CDC42EP1: variants seen among roughly 807,000 people sequenced by gnomAD.
CDC42EP1 encodes the protein CDC42 effector protein 1.
CDC42EP1 carries 6 observed loss-of-function variants against 7.4 expected under a neutral mutation model. The ratio of observed to expected loss-of-function variants is 0.81; its 90% CI spans 0.44 to 1.60. The LOEUF (loss-of-function observed/expected upper bound fraction) is 1.60, where lower values mean the gene tolerates loss of function less well. Ranked by LOEUF, CDC42EP1 falls within the 40% of genes most tolerant of loss-of-function variation. The pLI is 0.01. For missense variants in CDC42EP1, 567 were observed against 539.0 expected, an observed-to-expected ratio of 1.05 and a Z score of -0.51; for synonymous variants, 238 against 227.1, an observed-to-expected ratio of 1.05 and a Z score of -0.43.
intron 1 of CDC42EP1, among the ~76,000 whole-genome samples, chr22:37,564,870 C>T (rs1355018932): frequency 6.6e-6 from 1 of 152,180 alleles, no homozygotes. Flanking sequence ...CCTCTGCCTC[C>T]CGGGTTCAAG....
At chr22:37,565,058 G>A (rs1356497763) in intron 1 of CDC42EP1, among the ~76,000 whole-genome samples, 2 of 152,136 alleles carry the variant, frequency 1.3e-5, no homozygotes, top group African/African-American at 2.4e-5. Flanking sequence ...GAATACAGGC[G>A]TGAGCCACCG....
intron 2 of CDC42EP1, among the ~76,000 whole-genome samples, chr22:37,567,738 C>CA (rs1384836268): frequency 6.6e-6 from 1 of 152,202 alleles, no homozygotes; most frequent in Non-Finnish European, 1.5e-5. Flanking sequence ...AGCGTCATGG[C>CA]AGGGAGCCGG....
Position 37,566,738 on chromosome 22 carries a change from A to G in CDC42EP1, c.389A>G (p.Tyr130Cys), listed in dbSNP as rs1161716403. Residue 130 changes from tyrosine (Y) to cysteine (C), a missense_variant, in exon 2 of 3, where the codon TAC becomes TGC. Coordinates refer to ENST00000249014, the MANE Select transcript of CDC42EP1 (RefSeq NM_152243.3). The surrounding 1 kb of genome is among the most constrained non-coding windows in gnomAD (Gnocchi z 6.4). ...CTGCCCCAGCTCAACCAGGCCGCCT[A>G]CGACAGCCTCGTGGTTGGCAAGCTC... is the stretch of plus-strand genomic sequence containing the variant. ...ISLPQLNQAA[Y>C]DSLVVGKLSF... 6.2e-7 allele frequency: 1 copy of G among 1,609,920 alleles called. No individual in the cohort carries two copies. Among genetic ancestry groups the G allele is most frequent in the Non-Finnish European group, 8.5e-7 (1 of 1,178,056 alleles).
At position 37,566,433 on chromosome 22, in the gene CDC42EP1, G is replaced by T. The variant is rs754729269; in HGVS notation, c.84G>T (p.Gln28His). The T allele has an allele frequency of 1.2e-6, 2 of 1,610,470 alleles. No homozygotes were observed. The highest frequency in any genetic ancestry group is 2.7e-5 in the African/African-American group (2 of 75,022). Reference protein sequence around the residue: ...LSPVGWVSSSQGKRRLTADMI... With the variant: ...LSPVGWVSSSHGKRRLTADMI... ...CTGTGGGCTGGGTGTCCAGTTCACA[G>T]GGAAAGAGGCGGCTGACTGCAGACA... Residue 28 changes from glutamine to histidine, a missense_variant, in exon 2 of 3, where the codon CAG becomes CAT. Coordinates refer to ENST00000249014, the MANE Select transcript of CDC42EP1 (RefSeq NM_152243.3). The surrounding 1 kb of genome is among the most constrained non-coding windows in gnomAD (Gnocchi z 6.4).
At chr22:37,563,985 C>T (rs1925136316) in intron 1 of CDC42EP1, among the ~76,000 whole-genome samples, 1 of 152,210 alleles carries the variant, frequency 6.6e-6, no homozygotes, top group South Asian at 2.1e-4. Context: ...GGCGGCCTCC[C>T]CACCCTCCAA....
At chr22:37,562,452 T>A (rs766936824) in intron 1 of CDC42EP1, among the ~76,000 whole-genome samples, 1 of 152,090 alleles carries the variant, frequency 6.6e-6, no homozygotes, top group Non-Finnish European at 1.5e-5. Context: ...GAATGAGAGA[T>A]GTTAGTGTAA....
chr22:37,563,197 G>T (rs1925109325), intron 1 of CDC42EP1, among the ~76,000 whole-genome samples: 1 of 152,108 alleles, frequency 6.6e-6, no homozygotes, highest in African/African-American at 2.4e-5. Flanking sequence ...ATTGTACAGA[G>T]GAACACCCTT....
intron 1 of CDC42EP1, among the ~76,000 whole-genome samples, chr22:37,563,203 C>T (rs780821581): frequency 6.6e-6 from 1 of 152,148 alleles, no homozygotes; most frequent in African/African-American, 2.4e-5. Context: ...CAGAGGAACA[C>T]CCTTCCCGCT....
chr22:37,561,179 G>A (rs1426617445), intron 1 of CDC42EP1, among the ~76,000 whole-genome samples: 1 of 152,224 alleles, frequency 6.6e-6, no homozygotes, highest in Admixed American at 6.5e-5. Flanking sequence ...GGGAATGTTG[G>A]ATGGCCGAAG....
chr22:37,568,303 C>G lies in CDC42EP1; in HGVS notation c.659C>G (p.Pro220Arg). 6.2e-7 allele frequency: 1 copy of G among 1,613,058 alleles called. No individual in the cohort carries two copies. Among genetic ancestry groups the G allele is most frequent in the Non-Finnish European group, 8.5e-7 (1 of 1,179,874 alleles). Residue 220 changes from proline to arginine, a missense_variant, in exon 3 of 3, where the codon CCT (proline) becomes CGT (arginine). Transcript: ENST00000249014. ...GGGGTCATGAGCCTCCCAGAAGCCC[C>G]TGCAGCTGAGACTCCAGCCCCCGCT... is the stretch of plus-strand genomic sequence containing the variant. ...LLGVMSLPEA[P>R]AAETPAPAAN...
At position 37,566,642 on chromosome 22, in the gene CDC42EP1, G is replaced by A. The variant is rs1471587186; in HGVS notation, c.293G>A (p.Arg98Lys). ...CGGAGGGTGGGGGCGCCCCCCCGGA[G>A]GATGGCATCTCCCCCTGCACCCTCC... is the stretch of plus-strand genomic sequence containing the variant. ...LVRRVGAPPRRMASPPAPSPA... is the reference protein window; with the variant it reads ...LVRRVGAPPRKMASPPAPSPA... The change falls in exon 2 of 3, where the codon AGG (arginine) becomes AAG (lysine). Residue 98 changes from arginine (R) to lysine (K), a missense_variant. Arg to Lys is a conservative substitution (Grantham distance 26). Transcript: ENST00000249014. The surrounding 1 kb of genome is among the most constrained non-coding windows in gnomAD (Gnocchi z 6.4). 1.2e-5 allele frequency: 19 copies of A among 1,597,360 alleles called. 1 individual carries two copies. The Admixed American group carries it at 3.2e-4, about 27-fold the overall frequency.
chr22:37,568,159 C>T lies in CDC42EP1; in HGVS notation c.515C>T (p.Pro172Leu), dbSNP rs772587344. ...TCCCGCCTGCCCCGCTCGGAAAAGC[C>T]GCATGACCGAGACCGGGATGGTTCC... The part of the protein sequence containing the change: ...TISRLPRSEK[P>L]HDRDRDGSFP... Residue 172 changes from proline to leucine, a missense_variant, in exon 3 of 3, where the codon CCG (proline) becomes CTG (leucine). By Grantham distance (98) the Pro-to-Leu change is moderately conservative. Transcript: ENST00000249014. 51 of 1,613,870 alleles carry T rather than the reference C, an allele frequency of 3.2e-5. No individual in the cohort carries two copies. In the Admixed American group the frequency reaches 4.3e-4, roughly 14 times the overall value.
At position 37,568,167 on chromosome 22, in the gene CDC42EP1, C is replaced by G. The variant is rs141161720; in HGVS notation, c.523C>G (p.Arg175Gly). 6 of 1,614,028 alleles carry G rather than the reference C, an allele frequency of 3.7e-6. No individual in the cohort carries two copies. The South Asian group carries it at 5.5e-5, about 15-fold the overall frequency. The change falls in exon 3 of 3, where the codon CGA (arginine) becomes GGA (glycine). Residue 175 changes from arginine to glycine, a missense_variant. By Grantham distance (125) the Arg-to-Gly change is moderately radical. Coordinates refer to ENST00000249014, the MANE Select transcript of CDC42EP1 (RefSeq NM_152243.3). ...GCCCCGCTCGGAAAAGCCGCATGAC[C>G]GAGACCGGGATGGTTCCTTCCCCTC... The part of the protein sequence containing the change: ...RLPRSEKPHD[R>G]DRDGSFPSEP...
chr22:37,565,918 C>A (rs1925217334), intron 1 of CDC42EP1, among the ~76,000 whole-genome samples, 154 bp from the exon 2 acceptor site: 1 of 152,008 alleles, frequency 6.6e-6, no homozygotes, highest in Admixed American at 6.6e-5. Flanking sequence ...CACTTGGGTC[C>A]CCGTGTGCCT....
At position 37,566,168 on chromosome 22, in the gene CDC42EP1, C is replaced by T. The variant is rs1351013090; in HGVS notation, c.-182C>T. On this transcript the variant is annotated 5_prime_UTR_variant, in exon 2 of 3. Coordinates refer to ENST00000249014, the MANE Select transcript of CDC42EP1 (RefSeq NM_152243.3). This position sits in a 1 kb window ranked among gnomAD's most constrained non-coding sequence, Gnocchi z 6.4. ...TGCTTCTGAGGGGCTGGGAGCCGGGCCCCTGGGAGAGACGAGCCATGAACC... is the reference window on the plus strand; with the variant it reads ...TGCTTCTGAGGGGCTGGGAGCCGGGTCCCTGGGAGAGACGAGCCATGAACC... The T allele has an allele frequency of 2.2e-6, 1 of 455,988 alleles. No individual in the cohort carries two copies. The highest frequency in any genetic ancestry group is 3.9e-6 in the Non-Finnish European group (1 of 259,320). 28.2% of individuals were successfully genotyped at this position (455,988 alleles called of 1,614,324 possible).
At chr22:37,567,141 C>G (rs922927227) in intron 2 of CDC42EP1, among the ~76,000 whole-genome samples, 1 of 152,122 alleles carries the variant, frequency 6.6e-6, no homozygotes, top group African/African-American at 2.4e-5. Context: ...CCCCTCATGT[C>G]GGAATGATAT....
At chr22:37,561,283 G>A (rs1321087385) in intron 1 of CDC42EP1, among the ~76,000 whole-genome samples, 1 of 152,196 alleles carries the variant, frequency 6.6e-6, no homozygotes, top group African/African-American at 2.4e-5. Context: ...CCTTTTCCTA[G>A]ACCGGGAAAC....
chr22:37,562,878 C>T (rs1925096538), intron 1 of CDC42EP1, among the ~76,000 whole-genome samples: 1 of 152,054 alleles, frequency 6.6e-6, no homozygotes, highest in South Asian at 2.1e-4. Context: ...GAGGCTGAGG[C>T]AGCAGGATGG....
intron 2 of CDC42EP1, among the ~76,000 whole-genome samples, 167 bp from the exon 3 acceptor site, chr22:37,567,941 A>G (rs1925304248): frequency 6.6e-6 from 1 of 152,178 alleles, no homozygotes; most frequent in South Asian, 2.1e-4. Flanking sequence ...GGAAGATCAC[A>G]CAGGTGACCA....
Sources: gnomAD v4.1 joint callset for allele counts (sites outside exome capture counted in the v4.1 genomes callset) on GRCh38, gnomAD v4.1.1 for gene constraint, Gnocchi (gnomAD v3.1) non-coding constraint, MANE v1.5 for transcripts, NCBI Gene and HGNC (gene_info 2026-07-23, HGNC 2026-07-21) for gene names.